The following ZNF804B variants were observed in gnomAD, a reference collection of about 807,000 sequenced individuals.
ZNF804B encodes zinc finger 804B.
In ZNF804B, 80 loss-of-function variants were observed where a neutral mutation model predicts 101.4. The observed-to-expected ratio is 0.79, with a 90% CI of 0.66 to 0.95. The LOEUF is 0.95. ZNF804B is among the 40% of genes least tolerant of loss of function. The pLI is 0.00. For missense variants in ZNF804B, 1,673 were observed against 1,561.9 expected (o/e 1.07, Z -1.20); for synonymous variants, 622 against 558.8 (o/e 1.11, Z -1.59).
chr7:88,886,928 AC>A (rs1179151106), intron 1 of ZNF804B, among the ~76,000 whole-genome samples: 1 of 147,148 alleles, frequency 6.8e-6, no homozygotes, highest in African/African-American at 2.6e-5. Flanking sequence ...AAGGGGAAAA[AC>A]ATAAATTCTC....
chr7:89,116,918 T>G (rs577782594), intron 1 of ZNF804B, among the ~76,000 whole-genome samples: 1 of 152,338 alleles, frequency 6.6e-6, no homozygotes, highest in East Asian at 1.9e-4. Flanking sequence ...TTAAGAATTT[T>G]GAGACTGAGA....
intron 1 of ZNF804B, among the ~76,000 whole-genome samples, chr7:89,008,641 A>C (rs1788406832): frequency 6.6e-6 from 1 of 151,430 alleles, no homozygotes; most frequent in African/African-American, 2.4e-5. Flanking sequence ...AATATCTCCC[A>C]CTCTCCACAT....
chr7:89,173,640 G>T (rs1299409476), intron 1 of ZNF804B, among the ~76,000 whole-genome samples: 3 of 151,942 alleles, frequency 2.0e-5, no homozygotes, highest in Non-Finnish European at 4.4e-5. Flanking sequence ...TCATATGAAT[G>T]GCTCTGAAAA....
At chr7:88,888,387 G>A (rs1392565228) in intron 1 of ZNF804B, among the ~76,000 whole-genome samples, 3 of 152,002 alleles carry the variant, frequency 2.0e-5, no homozygotes, top group Non-Finnish European at 2.9e-5. Flanking sequence ...GGGAGAGTCT[G>A]CCTCAAAAAT....
At chr7:88,914,214 AT>A (rs995237176) in intron 1 of ZNF804B, among the ~76,000 whole-genome samples, 27 of 152,306 alleles carry the variant, frequency 1.8e-4, no homozygotes, top group African/African-American at 6.3e-4. Context: ...GGAAATGGAA[AT>A]GAATCTTCTC....
At chr7:89,014,790 C>G (rs527777081) in intron 1 of ZNF804B, among the ~76,000 whole-genome samples, 1 of 152,212 alleles carries the variant, frequency 6.6e-6, no homozygotes, top group South Asian at 2.1e-4. Context: ...ACATTTTCTC[C>G]CATTTCATAG....
chr7:88,875,264 G>A (rs930034515), intron 1 of ZNF804B, among the ~76,000 whole-genome samples: 10 of 150,348 alleles, frequency 6.7e-5, no homozygotes, highest in African/African-American at 1.5e-4. Context: ...AAAAGCAAGA[G>A]CAAACACATT....
intron 1 of ZNF804B, among the ~76,000 whole-genome samples, chr7:88,780,078 A>C (rs1790200074): frequency 6.6e-6 from 1 of 152,196 alleles, no homozygotes. Flanking sequence ...AAGGTGTGCA[A>C]CATCACTGAT....
intron 1 of ZNF804B, chr7:88,795,627 C>G (rs1389509188): frequency 6.6e-6 from 1 of 151,722 alleles, no homozygotes; most frequent in Admixed American, 6.6e-5. Flanking sequence ...TTTTTTTTTC[C>G]AGGTCAACTT....
intron 1 of ZNF804B, among the ~76,000 whole-genome samples, chr7:88,828,198 G>A (rs1162329036): frequency 2.6e-5 from 4 of 151,966 alleles, no homozygotes; most frequent in African/African-American, 9.7e-5. Flanking sequence ...ACTTTATAGA[G>A]GTGTAATTAA....
intron 1 of ZNF804B, among the ~76,000 whole-genome samples, chr7:89,123,464 C>T (rs1212305967): frequency 3.3e-5 from 5 of 152,018 alleles, no homozygotes; most frequent in Non-Finnish European, 7.4e-5. Context: ...TTGTCCATGG[C>T]TCTATTCATT....
chr7:89,094,867 T>C (rs1444239591), intron 1 of ZNF804B, among the ~76,000 whole-genome samples: 2 of 152,164 alleles, frequency 1.3e-5, no homozygotes, highest in African/African-American at 4.8e-5. Flanking sequence ...TTGAGTAACT[T>C]TGGAGGGGAA....
rs1200179043 is a variant in ZNF804B, at chr7:89,231,622, A to T, written c.249+13327A>T. Among the ~76,000 whole-genome samples the T allele has an allele frequency of 2.0e-5, 3 of 152,136 alleles. No individual in the cohort carries two copies. In the East Asian group the frequency reaches 5.8e-4, roughly 29 times the overall value. On this transcript the variant is annotated intron_variant, in intron 2 of 3. Transcript: ENST00000333190. ...TAAATTGCCTTTAATTTATTGCAGA[A>T]ATCTTGTGTAGTTTTTATTTTACAC...
intron 1 of ZNF804B, among the ~76,000 whole-genome samples, chr7:88,867,660 C>A (rs2115871192): frequency 6.6e-6 from 1 of 152,230 alleles, no homozygotes; most frequent in South Asian, 2.1e-4. Flanking sequence ...AAGTTGACAC[C>A]TTGCTTACTT....
At chr7:88,946,306 G>T (rs984731267) in intron 1 of ZNF804B, among the ~76,000 whole-genome samples, 22 of 151,480 alleles carry the variant, frequency 1.5e-4, no homozygotes, top group African/African-American at 5.1e-4. Context: ...GCATGAAAGG[G>T]TGTTGAATTT....
chr7:88,813,545 A>G (rs915498948), intron 1 of ZNF804B, among the ~76,000 whole-genome samples: 2 of 152,040 alleles, frequency 1.3e-5, no homozygotes, highest in African/African-American at 4.8e-5. Context: ...TTGTTTTTAC[A>G]TGGCATCAAT....
chr7:89,257,734 A>G (rs1789656032), intron 2 of ZNF804B, among the ~76,000 whole-genome samples: 2 of 152,124 alleles, frequency 1.3e-5, no homozygotes, highest in African/African-American at 4.8e-5. Context: ...CATAGTACCT[A>G]ATAGGTAGTT....
intron 1 of ZNF804B, among the ~76,000 whole-genome samples, chr7:89,018,963 T>G (rs1361963333): frequency 6.6e-6 from 1 of 152,058 alleles, no homozygotes; most frequent in Admixed American, 6.6e-5. Context: ...ATCTTTTCTA[T>G]TTTGTTAGTC....
intron 1 of ZNF804B, among the ~76,000 whole-genome samples, chr7:89,072,284 G>A (rs1343006840): frequency 1.3e-5 from 2 of 152,116 alleles, no homozygotes; most frequent in Non-Finnish European, 2.9e-5. Flanking sequence ...CTTTCTCATG[G>A]TTAGAATGGT....
Sources: allele counts gnomAD v4.1 joint callset (sites outside exome capture counted in the v4.1 genomes callset), GRCh38; gene constraint gnomAD v4.1.1; transcripts MANE v1.5; gene names NCBI Gene and HGNC (gene_info 2026-07-23, HGNC 2026-07-21).